Variants in FAT3 observed in about 807,000 individuals in gnomAD.
FAT3 encodes FAT atypical cadherin 3, also known as protocadherin Fat 3.
In FAT3, 95 loss-of-function variants were observed where a neutral mutation model predicts 310.2. The observed-to-expected ratio is 0.31, with a 90% CI of 0.26 to 0.36. FAT3 has a LOEUF of 0.36. FAT3 is among the 10% of genes least tolerant of loss of function. FAT3 has a pLI of 1.00. For synonymous variants in FAT3, 2,314 were observed against 2,192.9 expected (o/e 1.06, Z -1.54); for missense variants, 5,408 against 5,715.6 (o/e 0.95, Z 1.74).
At chr11:92,237,534 G>A (rs1864482929) in intron 1 of FAT3, among the ~76,000 whole-genome samples, 1 of 152,118 alleles carries the variant, frequency 6.6e-6, no homozygotes, top group South Asian at 2.1e-4. Flanking sequence ...AGTGAACACT[G>A]GTGAGAATAT....
chr11:92,250,124 C>A (rs1336254445), intron 1 of FAT3, among the ~76,000 whole-genome samples: 1 of 151,962 alleles, frequency 6.6e-6, no homozygotes, highest in Admixed American at 6.6e-5. Context: ...ATTTTAAATT[C>A]TTTTATAGAT....
intron 2 of FAT3, among the ~76,000 whole-genome samples, chr11:92,392,655 C>T (rs901374059): frequency 6.6e-6 from 1 of 152,210 alleles, no homozygotes; most frequent in Non-Finnish European, 1.5e-5. Context: ...AACTCCTTTA[C>T]TACAGAAAGG....
intron 2 of FAT3, among the ~76,000 whole-genome samples, chr11:92,422,587 T>C (rs1218965878): frequency 6.6e-6 from 1 of 152,036 alleles, no homozygotes; most frequent in Non-Finnish European, 1.5e-5. Flanking sequence ...AGAGAGTTCT[T>C]TCAAAGGAGG....
chr11:92,285,423 T>C (rs1946537064), intron 1 of FAT3, among the ~76,000 whole-genome samples: 1 of 152,202 alleles, frequency 6.6e-6, no homozygotes, highest in Non-Finnish European at 1.5e-5. Context: ...GAATATGCTG[T>C]GCAAGCTTTT....
chr11:92,577,183 T>TCA (rs1938527456), intron 3 of FAT3, among the ~76,000 whole-genome samples: 1 of 152,006 alleles, frequency 6.6e-6, no homozygotes, highest in African/African-American at 2.4e-5. Context: ...TGATCTTGGT[T>TCA]CTGCAACCTC....
chr11:92,700,487 G>T (rs1944065492), intron 4 of FAT3, among the ~76,000 whole-genome samples: 1 of 152,120 alleles, frequency 6.6e-6, no homozygotes, highest in Admixed American at 6.5e-5. Context: ...GGGAAATGTG[G>T]AAAGCTTCTA....
At chr11:92,758,924 A>T (rs911793609) in intron 4 of FAT3, among the ~76,000 whole-genome samples, 3 of 152,152 alleles carry the variant, frequency 2.0e-5, no homozygotes, top group Non-Finnish European at 4.4e-5. Flanking sequence ...TGGACATAGG[A>T]AAAGGAGGAG....
chr11:92,556,415 C>A (rs576954920), intron 3 of FAT3, among the ~76,000 whole-genome samples: 14 of 152,298 alleles, frequency 9.2e-5, no homozygotes, highest in Non-Finnish European at 1.9e-4. Context: ...TAAGTCATTT[C>A]TATTCTTCAG....
At chr11:92,657,873 T>C (rs1942637750) in intron 3 of FAT3, among the ~76,000 whole-genome samples, 1 of 152,158 alleles carries the variant, frequency 6.6e-6, no homozygotes, top group Non-Finnish European at 1.5e-5. Context: ...TTTTTAGTGG[T>C]CTGACAATAT....
chr11:92,750,523 G>A (rs1463261957), intron 4 of FAT3, among the ~76,000 whole-genome samples: 1 of 152,152 alleles, frequency 6.6e-6, no homozygotes, highest in African/African-American at 2.4e-5. Flanking sequence ...AAATGGCTGA[G>A]GAAAGCAGAA....
intron 3 of FAT3, among the ~76,000 whole-genome samples, chr11:92,566,173 G>T (rs181835395): frequency 1.3e-5 from 2 of 152,120 alleles, no homozygotes; most frequent in African/African-American, 4.8e-5. Context: ...AAGCTGATAA[G>T]CAACTTCAGC....
chr11:92,634,722 C>G (rs1436380403), intron 3 of FAT3, among the ~76,000 whole-genome samples: 1 of 152,160 alleles, frequency 6.6e-6, no homozygotes, highest in East Asian at 1.9e-4. Flanking sequence ...AATCAATGAG[C>G]ACTGTACAAG....
chr11:92,849,110 AT>A (rs1202174918), intron 19 of FAT3, among the ~76,000 whole-genome samples: 1 of 152,226 alleles, frequency 6.6e-6, no homozygotes, highest in Non-Finnish European at 1.5e-5. Flanking sequence ...TTTTTCAAAA[AT>A]TAAGGAAACC....
intron 1 of FAT3, among the ~76,000 whole-genome samples, chr11:92,234,394 A>G (rs952368891): frequency 6.6e-6 from 1 of 152,344 alleles, no homozygotes; most frequent in African/African-American, 2.4e-5. Flanking sequence ...GGGAAAATAA[A>G]GGGAGAAGAT....
At chr11:92,522,088 G>A (rs1051160207) in intron 2 of FAT3, among the ~76,000 whole-genome samples, 1 of 152,190 alleles carries the variant, frequency 6.6e-6, no homozygotes. Flanking sequence ...TCTCATGGCA[G>A]TGAAGAGGTG....
chr11:92,391,475 C>A (rs1949747803), intron 2 of FAT3, among the ~76,000 whole-genome samples: 1 of 152,148 alleles, frequency 6.6e-6, no homozygotes, highest in Admixed American at 6.6e-5. Flanking sequence ...GCAAATAGTT[C>A]TTTATCTCAA....
chr11:92,636,514 A>G (rs1288693199), intron 3 of FAT3, among the ~76,000 whole-genome samples: 1 of 152,210 alleles, frequency 6.6e-6, no homozygotes, highest in Non-Finnish European at 1.5e-5. Flanking sequence ...GACAAATTAG[A>G]TCATCTTAAT....
intron 3 of FAT3, among the ~76,000 whole-genome samples, chr11:92,605,911 T>A (rs1223280809): frequency 6.6e-6 from 1 of 152,040 alleles, no homozygotes; most frequent in African/African-American, 2.4e-5. Flanking sequence ...AGCATCTGAT[T>A]TCAGAATGGG....
At chr11:92,335,634 T>C (rs1227275251) in intron 1 of FAT3, among the ~76,000 whole-genome samples, 1 of 152,208 alleles carries the variant, frequency 6.6e-6, no homozygotes. Context: ...ACATGTAAAA[T>C]TGACCATCTT....
Sources: allele counts gnomAD v4.1 joint callset (sites outside exome capture counted in the v4.1 genomes callset), GRCh38; gene constraint gnomAD v4.1.1; transcripts MANE v1.5; gene names NCBI Gene and HGNC (gene_info 2026-07-23, HGNC 2026-07-21).